TFEC: variants seen among roughly 807,000 people sequenced by gnomAD.
TFEC encodes transcription factor EC.
In TFEC, 31 loss-of-function variants were observed where a neutral mutation model predicts 41.6. That is an observed-to-expected ratio of 0.74 (90% CI 0.56 to 1.01). The LOEUF (loss-of-function observed/expected upper bound fraction) is 1.01. Ranked by LOEUF, TFEC falls within the 50% of genes least tolerant of loss-of-function variation. TFEC has a pLI of 0.00. For synonymous variants in TFEC, 143 were observed against 140.6 expected (o/e 1.02, Z -0.12); for missense variants, 402 against 404.1 (o/e 0.99, Z 0.04).
intron 3 of TFEC, among the ~76,000 whole-genome samples, chr7:115,958,350 G>A (rs1302618387): frequency 2.0e-5 from 3 of 151,854 alleles, no homozygotes; most frequent in Non-Finnish European, 4.4e-5. Context: ...AATTTTCCAA[G>A]GTCATTTTTG....
At chr7:116,059,904 C>T (rs1796513258) in intron 3 of TFEC, among the ~76,000 whole-genome samples, 1 of 151,922 alleles carries the variant, frequency 6.6e-6, no homozygotes, top group African/African-American at 2.4e-5. Flanking sequence ...CCACTAAAAT[C>T]AGAAATGACA....
At chr7:116,090,202 A>C (rs1265623610) in intron 3 of TFEC, among the ~76,000 whole-genome samples, 2 of 152,132 alleles carry the variant, frequency 1.3e-5, no homozygotes, top group African/African-American at 4.8e-5. Context: ...TTTGCATAGG[A>C]GTGTGACCTT....
chr7:116,159,413 C>CAT (rs1798931138), intron 1 of TFEC, among the ~76,000 whole-genome samples: 2 of 151,898 alleles, frequency 1.3e-5, no homozygotes, highest in East Asian at 1.9e-4. Context: ...TCTTCAGAGA[C>CAT]ATATATATTG....
Position 115,984,518 on chromosome 7 carries a change from A to G in TFEC, c.-72-5T>C. The G allele has an allele frequency of 6.2e-7, 1 of 1,613,232 alleles. No homozygotes were observed. Among genetic ancestry groups the G allele is most frequent in the East Asian group, 2.2e-5 (1 of 44,806 alleles). On this transcript the variant is annotated splice_region_variant and splice_polypyrimidine_tract_variant and intron_variant, in intron 1 of 7. Coordinates refer to ENST00000265440, the MANE Select transcript of TFEC (RefSeq NM_012252.4). ...ACTTTCCAGGTGTGCTGGGACCTAC[A>G]AGATCAAAATTAAACAAATACAATG...
chr7:116,010,464 T>G (rs768549820), intron 1 of TFEC, among the ~76,000 whole-genome samples: 3 of 152,174 alleles, frequency 2.0e-5, no homozygotes, highest in Non-Finnish European at 4.4e-5. Context: ...AGAAGACTGG[T>G]GTTCAAGAAA....
chr7:116,085,514 T>C (rs1335902668), intron 3 of TFEC, among the ~76,000 whole-genome samples: 2 of 151,904 alleles, frequency 1.3e-5, no homozygotes, highest in African/African-American at 4.8e-5. Context: ...TTAATTTCCA[T>C]TAAACAGATA....
intron 2 of TFEC, among the ~76,000 whole-genome samples, chr7:115,983,292 G>A (rs4602822): frequency 0.85 from 129,388 of 152,008 alleles, 55,197 homozygotes; most frequent in Non-Finnish European, 0.89. Flanking sequence ...TTAACAATCT[G>A]CCACATCCTT....
chr7:116,037,591 T>C (rs1795940542), intron 3 of TFEC, among the ~76,000 whole-genome samples: 1 of 151,976 alleles, frequency 6.6e-6, no homozygotes, highest in South Asian at 2.1e-4. Flanking sequence ...GAAGTGAAAG[T>C]TTCCTACTTT....
chr7:116,031,407 T>C (rs1205044668), upstream of TFEC, among the ~76,000 whole-genome samples: 5 of 152,138 alleles, frequency 3.3e-5, no homozygotes, highest in East Asian at 3.8e-4. Context: ...TTAAGGGACA[T>C]GAATATAGGA....
At chr7:116,127,323 T>A (rs1191813579) in intron 1 of TFEC, among the ~76,000 whole-genome samples, 1 of 152,154 alleles carries the variant, frequency 6.6e-6, no homozygotes, top group Admixed American at 6.5e-5. Context: ...GACCTCGTAA[T>A]CCCCTTGCCT....
Position 116,108,904 on chromosome 7 carries a change from A to G in TFEC, c.198+1804T>C, listed in dbSNP as rs554894565. On this transcript the variant is annotated intron_variant, in intron 3 of 8. Coordinates refer to the TFEC transcript ENST00000484212. Reference sequence around the variant, plus strand: ...TAAAGCCCACTATCAGAGAGCCAACAATGCAGACTCAGAATTCTAACTTTA... The same window carrying G: ...TAAAGCCCACTATCAGAGAGCCAACGATGCAGACTCAGAATTCTAACTTTA... Among the ~76,000 whole-genome samples, 6 of 152,248 alleles carry G rather than the reference A, an allele frequency of 3.9e-5. No homozygotes were observed. The South Asian group carries it at 1.0e-3, about 26-fold the overall frequency.
chr7:116,089,077 C>G (rs1166137670), intron 3 of TFEC, among the ~76,000 whole-genome samples: 1 of 152,122 alleles, frequency 6.6e-6, no homozygotes. Context: ...GCCACTGTTT[C>G]ATTATTACTT....
At chr7:116,110,604 T>A in intron 3 of TFEC, 1 of 864,562 alleles carries the variant, frequency 1.2e-6, no homozygotes, top group Non-Finnish European at 1.6e-6. Context: ...TTATTCTTGT[T>A]TTTTTCCTTC....
At position 115,936,725 on chromosome 7, in the gene TFEC, G is replaced by A. The variant is rs755429340; in HGVS notation, c.*3826C>T. ...TTCCCCTCATGACATTATGGTAAAT[G>A]AGCACACCAAATCAAGACATTCTTT... On this transcript the variant is annotated 3_prime_UTR_variant, in exon 8 of 8. Transcript: ENST00000265440. 6.6e-6 allele frequency: 1 copy of A among 151,376 alleles called. No individual in the cohort carries two copies. Among genetic ancestry groups the A allele is most frequent in the Non-Finnish European group, 1.5e-5 (1 of 67,550 alleles). The allele number at this position is 151,376 out of a possible 1,614,324, so 9.4% of individuals were successfully genotyped here.
In TFEC at chr7:116,037,604, T is replaced by C. The variant is rs186900596; in HGVS notation, c.199-53091A>G. ...AGGAAGTGAAAGTTTCCTACTTTTA[T>C]GCAATAATACCAGATTTTGCCTGTA... On this transcript the variant is annotated intron_variant, in intron 3 of 8. Coordinates refer to the TFEC transcript ENST00000484212. Among the ~76,000 whole-genome samples, 23 of 152,138 alleles carry C rather than the reference T, an allele frequency of 1.5e-4. No individual in the cohort carries two copies. In the East Asian group the frequency reaches 4.2e-3, roughly 28 times the overall value.
intron 3 of TFEC, among the ~76,000 whole-genome samples, chr7:115,961,692 A>G (rs369461730): frequency 6.6e-6 from 1 of 151,740 alleles, no homozygotes; most frequent in East Asian, 1.9e-4. Flanking sequence ...ATGAAAGGAG[A>G]AAGTAACAAC....
At chr7:116,112,999 G>T (rs1797891008) in intron 1 of TFEC, among the ~76,000 whole-genome samples, 1 of 151,974 alleles carries the variant, frequency 6.6e-6, no homozygotes, top group African/African-American at 2.4e-5. Flanking sequence ...GCTGGTCTAT[G>T]AATTCATGAA....
chr7:116,115,851 A>T (rs186046862), intron 1 of TFEC, among the ~76,000 whole-genome samples: 124 of 152,082 alleles, frequency 8.2e-4, no homozygotes, highest in Non-Finnish European at 5.9e-4. Flanking sequence ...TATATGCCGG[A>T]TGTTTTTATA....
At chr7:115,991,668 G>T (rs543774879) in intron 1 of TFEC, among the ~76,000 whole-genome samples, 1 of 152,288 alleles carries the variant, frequency 6.6e-6, no homozygotes, top group South Asian at 2.1e-4. Context: ...TTAACAAGAA[G>T]AGCTAACTAA....
Sources: allele counts gnomAD v4.1 joint callset (sites outside exome capture counted in the v4.1 genomes callset), GRCh38; gene constraint gnomAD v4.1.1; transcripts MANE v1.5; gene names NCBI Gene and HGNC (gene_info 2026-07-23, HGNC 2026-07-21).